BRWD1: variants seen among roughly 807,000 people sequenced by gnomAD.
BRWD1 encodes the protein bromodomain and WD repeat-containing protein 1.
Under a neutral mutation model 251.2 loss-of-function variants are expected in BRWD1, and 82 were observed. The ratio of observed to expected loss-of-function variants is 0.33; its 90% CI spans 0.27 to 0.39. The LOEUF (loss-of-function observed/expected upper bound fraction) is 0.39. Among genes scored for constraint, BRWD1 ranks in the 10% least tolerant of loss-of-function variants. The probability of loss-of-function intolerance (pLI) is 1.00; values close to 1 mark genes in which losing one functional copy is unlikely to be tolerated. For missense variants in BRWD1, 2,233 were observed against 2,711.6 expected, an observed-to-expected ratio of 0.82 and a Z score of 3.92; for synonymous variants, 918 against 902.8, an observed-to-expected ratio of 1.02 and a Z score of -0.30.
At chr21:39,271,349 G>A (rs751496502) in intron 13 of BRWD1, among the ~76,000 whole-genome samples, 1 of 151,572 alleles carries the variant, frequency 6.6e-6, no homozygotes, top group Non-Finnish European at 1.5e-5. Flanking sequence ...CAACAGTGGG[G>A]TAGGGAAGGC....
chr21:39,281,890 A>G (rs989940800), intron 8 of BRWD1, among the ~76,000 whole-genome samples: 12 of 145,214 alleles, frequency 8.3e-5, no homozygotes, highest in African/African-American at 3.1e-4. Context: ...ATATATATAT[A>G]TATGTATGTA....
chr21:39,259,586 G>C (rs1022287984), intron 17 of BRWD1, among the ~76,000 whole-genome samples: 1 of 152,112 alleles, frequency 6.6e-6, no homozygotes, highest in Admixed American at 6.5e-5. Flanking sequence ...CCGGGGCGTG[G>C]TGGCTCACAT....
chr21:39,267,752 C>T (rs1014614910), intron 15 of BRWD1, among the ~76,000 whole-genome samples: 5 of 152,118 alleles, frequency 3.3e-5, no homozygotes, highest in African/African-American at 1.2e-4. Context: ...TAATCATGTA[C>T]AAGGCTATTC....
At chr21:39,243,152 T>A (rs1568906859) in intron 21 of BRWD1, among the ~76,000 whole-genome samples, 2 of 152,130 alleles carry the variant, frequency 1.3e-5, no homozygotes, top group Admixed American at 6.5e-5. Context: ...ACAAAACAAA[T>A]CATGTGCTTT....
At position 39,288,540 on chromosome 21, in the gene BRWD1, C is replaced by T. The variant is rs1485329949; in HGVS notation, c.831+5271G>A. ...ATTATTTAGAAGTACAGTTAGTTGA[C>T]CCTTGAACAACGCAGGGGTTAGGGT... On this transcript the variant is annotated intron_variant, in intron 8 of 40. Transcript: ENST00000342449. Among the ~76,000 whole-genome samples, 3 of 152,116 alleles carry T rather than the reference C, an allele frequency of 2.0e-5. No homozygotes were observed. In the East Asian group the frequency reaches 5.8e-4, roughly 29 times the overall value.
upstream of BRWD1, chr21:39,314,365 G>C (rs1568990155): frequency 2.2e-6 from 1 of 455,328 alleles, no homozygotes; most frequent in Non-Finnish European, 4.4e-6. Context: ...GGTGCGAGTC[G>C]GGGGAGCAGC....
chr21:39,273,680 A>C (rs570200390), intron 13 of BRWD1, among the ~76,000 whole-genome samples: 1 of 152,170 alleles, frequency 6.6e-6, no homozygotes, highest in Non-Finnish European at 1.5e-5. Context: ...CTGAGGCCGG[A>C]ATGTCAAGGC....
chr21:39,298,314 C>G, intron 5 of BRWD1, 118 bp downstream of exon 5: 1 of 1,365,848 alleles, frequency 7.3e-7, no homozygotes, highest in Non-Finnish European at 9.5e-7. Flanking sequence ...TTTTATAGTC[C>G]ACAGCATGAT....
chr21:39,212,354 A>C (rs980699183), intron 34 of BRWD1, among the ~76,000 whole-genome samples: 6 of 152,008 alleles, frequency 3.9e-5, no homozygotes, highest in Admixed American at 2.0e-4. Flanking sequence ...TCAACATCCA[A>C]CCTCTACACC....
In BRWD1 at chr21:39,185,781, T is replaced by C. The variant is rs2031199024; in HGVS notation, c.*10478A>G. On this transcript the variant is annotated 3_prime_UTR_variant, in exon 41 of 41. Transcript: ENST00000342449. ...GGTTTCTGTAGTTTAGTTTTTCAGA[T>C]TTACACATGCAAATCATATATTCAG... 1 of 152,158 alleles carries C rather than the reference T, an allele frequency of 6.6e-6. No individual in the cohort carries two copies. The highest frequency in any genetic ancestry group is 1.5e-5 in the Non-Finnish European group (1 of 67,982). The allele number at this position is 152,158 out of a possible 1,614,324, so 9.4% of individuals were successfully genotyped here. A position where few individuals can be genotyped will look rare whatever the true frequency, so the allele number is the denominator to read the frequency against.
intron 8 of BRWD1, among the ~76,000 whole-genome samples, chr21:39,285,132 A>C (rs1025439530): frequency 6.6e-6 from 1 of 152,262 alleles, no homozygotes; most frequent in Non-Finnish European, 1.5e-5. Context: ...ATACACACAC[A>C]CAAAATGGAA....
intron 29 of BRWD1, 60 bp from the exon 30 acceptor site, chr21:39,218,720 G>T: frequency 2.2e-6 from 3 of 1,343,636 alleles, no homozygotes; most frequent in South Asian, 1.6e-5. Flanking sequence ...AAATATATAC[G>T]GTATTAAAAT....
At chr21:39,292,124 GGTGGGGGT>G (rs769719136) in intron 8 of BRWD1, among the ~76,000 whole-genome samples, 11,501 of 41,354 alleles carry the variant, frequency 0.28, 2,305 homozygotes, top group Non-Finnish European at 0.3. Flanking sequence ...GTGGGGGGTG[GGTGGGGGT>G]GGGGGGGGGG....
chr21:39,315,098 G>C (rs2036672576), upstream of BRWD1: 1 of 152,144 alleles, frequency 6.6e-6, no homozygotes, highest in South Asian at 2.1e-4. Flanking sequence ...CCGGGTTCCA[G>C]CGATTCTTGT....
Position 39,193,777 on chromosome 21 carries a change from T to C in BRWD1, c.*2482A>G, listed in dbSNP as rs1236000315. 1.0e-6 allele frequency: 1 copy of C among 985,386 alleles called. No individual in the cohort carries two copies. 61.0% of individuals were successfully genotyped at this position (985,386 alleles called of 1,614,324 possible). A position where few individuals can be genotyped will look rare whatever the true frequency, so the allele number is the denominator to read the frequency against. On this transcript the variant is annotated 3_prime_UTR_variant, in exon 41 of 41. Transcript: ENST00000342449. Reference sequence around the variant, plus strand: ...ACCTGTGCATTAAATCCCTGGGCATTTTGCATAACGTAGAAAAAAAAGGCC... The same window carrying C: ...ACCTGTGCATTAAATCCCTGGGCATCTTGCATAACGTAGAAAAAAAAGGCC...
rs750712334 is a variant in BRWD1 at position 39,218,211 on chromosome 21, T to C, written c.3600A>G (p.Val1200=). The C allele has an allele frequency of 1.2e-5, 20 of 1,612,808 alleles. No homozygotes were observed. The highest frequency in any genetic ancestry group is 1.6e-5 in the Non-Finnish European group (19 of 1,179,648). The change falls in exon 31 of 41, where the codon GTA becomes GTG. Residue 1200 remains valine (V), a synonymous_variant. Coordinates refer to ENST00000342449, the MANE Select transcript of BRWD1 (RefSeq NM_033656.4). ...DLCTYPKYCT[V]VAYPTDLYTI... ...TGTAAAGATCGGTTGGATAAGCTAC[T>C]ACAGTACAGTACTTCGGGTATGTAC...
At chr21:39,250,270 C>T (rs952018235) in intron 20 of BRWD1, among the ~76,000 whole-genome samples, 3 of 151,940 alleles carry the variant, frequency 2.0e-5, no homozygotes, top group African/African-American at 7.3e-5. Flanking sequence ...CAATGTAAAT[C>T]GTCTCTGGGA....
At position 39,194,522 on chromosome 21, in the gene BRWD1, T is replaced by C; in HGVS notation, c.*1737A>G. The C allele has an allele frequency of 7.0e-7, 1 of 1,430,410 alleles. No homozygotes were observed. The highest frequency in any genetic ancestry group is 9.1e-7 in the Non-Finnish European group (1 of 1,098,014). The allele number at this position is 1,430,410 out of a possible 1,614,324, so 88.6% of individuals were successfully genotyped here. ...AAGCATCATAGTTCTGAAATGGTGATAGCTCTCTAAGCCACAAATGAGAGG... is the reference window on the plus strand; with the variant it reads ...AAGCATCATAGTTCTGAAATGGTGACAGCTCTCTAAGCCACAAATGAGAGG... On this transcript the variant is annotated 3_prime_UTR_variant, in exon 41 of 41. Transcript: ENST00000342449.
intron 8 of BRWD1, among the ~76,000 whole-genome samples, chr21:39,286,923 C>A (rs553573431): frequency 6.1e-4 from 93 of 152,192 alleles, no homozygotes; most frequent in Non-Finnish European, 1.1e-3. Flanking sequence ...AGATAAAAGT[C>A]GTAATAGTAC....
Sources: gnomAD v4.1 joint callset for allele counts (sites outside exome capture counted in the v4.1 genomes callset) on GRCh38, gnomAD v4.1.1 for gene constraint, MANE v1.5 for transcripts, NCBI Gene and HGNC (gene_info 2026-07-23, HGNC 2026-07-21) for gene names.